The following COMMD10 variants were observed in gnomAD, a reference collection of about 807,000 sequenced individuals.
The protein encoded by COMMD10 is COMM domain containing 10.
COMMD10 carries 33 observed loss-of-function variants against 28.9 expected under a neutral mutation model. The observed-to-expected ratio is 1.14, with a 90% CI of 0.87 to 1.53. The LOEUF is 1.53. COMMD10 is among the 40% of genes most tolerant of loss of function. The pLI, the probability that COMMD10 is intolerant of heterozygous loss-of-function variation, is 0.00. For synonymous variants in COMMD10, 110 were observed against 81.7 expected (o/e 1.35, Z -1.87); for missense variants, 310 against 233.4 (o/e 1.33, Z -2.14).
chr5:116,227,329 C>T (rs1749418538), intron 5 of COMMD10, among the ~76,000 whole-genome samples: 2 of 151,988 alleles, frequency 1.3e-5, no homozygotes, highest in Non-Finnish European at 2.9e-5. Flanking sequence ...ACCAATAATT[C>T]TGATAACTTT....
intron 5 of COMMD10, among the ~76,000 whole-genome samples, chr5:116,269,053 A>G (rs1326771906): frequency 6.6e-6 from 1 of 151,750 alleles, no homozygotes; most frequent in African/African-American, 2.4e-5. Context: ...ATATGTAACA[A>G]ACCTGCATGT....
intron 5 of COMMD10, among the ~76,000 whole-genome samples, chr5:116,165,335 G>C (rs1418556430): frequency 6.6e-6 from 1 of 152,112 alleles, no homozygotes; most frequent in Admixed American, 6.5e-5. Context: ...TATTTAAGGA[G>C]TATTTTTGGT....
intron 4 of COMMD10, among the ~76,000 whole-genome samples, chr5:116,120,282 TA>T (rs1296065665): frequency 6.6e-6 from 1 of 152,068 alleles, no homozygotes; most frequent in Non-Finnish European, 1.5e-5. Flanking sequence ...CGTTCTCCCT[TA>T]TTGGGAGCTA....
intron 5 of COMMD10, among the ~76,000 whole-genome samples, chr5:116,249,507 T>A (rs573714655): frequency 2.2e-4 from 33 of 152,084 alleles, no homozygotes; most frequent in Middle Eastern, 3.4e-3. Context: ...ACTAAAGTAT[T>A]AATAAAGTAT....
At chr5:116,205,145 A>G (rs1276337525) in intron 5 of COMMD10, among the ~76,000 whole-genome samples, 1 of 152,190 alleles carries the variant, frequency 6.6e-6, no homozygotes, top group African/African-American at 2.4e-5. Context: ...CTCTTAAAGC[A>G]ATAATAAATA....
At chr5:116,118,390 T>A (rs1385223649) in intron 4 of COMMD10, among the ~76,000 whole-genome samples, 5 of 152,326 alleles carry the variant, frequency 3.3e-5, no homozygotes, top group African/African-American at 1.2e-4. Flanking sequence ...CTACTTTTGG[T>A]CTTTGGGAGA....
rs370652868 is a variant in COMMD10, at chr5:116,107,895, A to G, written c.399+15195A>G. ...GGCCGTACTTTTTGTTGATGTTGAT[A>G]CTATTCCTTTCTGTTTATTAGTTTT... On this transcript the variant is annotated intron_variant, in intron 4 of 6. Transcript: ENST00000274458. Among the ~76,000 whole-genome samples, 5 of 152,124 alleles carry G rather than the reference A, an allele frequency of 3.3e-5. No homozygotes were observed. In the East Asian group the frequency reaches 5.8e-4, roughly 18 times the overall value.
intron 5 of COMMD10, among the ~76,000 whole-genome samples, chr5:116,181,362 G>C (rs945540036): frequency 6.6e-6 from 1 of 150,496 alleles, no homozygotes; most frequent in East Asian, 1.9e-4. Flanking sequence ...CCAAGATTAT[G>C]CTTTATATCT....
chr5:116,184,854 A>G (rs1449034686), intron 5 of COMMD10, among the ~76,000 whole-genome samples: 1 of 152,108 alleles, frequency 6.6e-6, no homozygotes, highest in African/African-American at 2.4e-5. Context: ...GCAATGTAAT[A>G]TAATCGATTT....
At chr5:116,208,824 T>C (rs1192293516) in intron 5 of COMMD10, among the ~76,000 whole-genome samples, 1 of 152,222 alleles carries the variant, frequency 6.6e-6, no homozygotes, top group African/African-American at 2.4e-5. Flanking sequence ...TTCTGTTGAA[T>C]GCTTTGTAAG....
chr5:116,167,128 A>C (rs1346817901), intron 5 of COMMD10, among the ~76,000 whole-genome samples: 1 of 136,544 alleles, frequency 7.3e-6, no homozygotes, highest in East Asian at 1.9e-4. Flanking sequence ...ATTGCTAATT[A>C]AAATAACCAG....
At chr5:116,283,473 A>G (rs2112710623) in intron 5 of COMMD10, among the ~76,000 whole-genome samples, 1 of 151,320 alleles carries the variant, frequency 6.6e-6, no homozygotes, top group African/African-American at 2.4e-5. Context: ...CATCCTCCTG[A>G]GCAGCTGGAA....
chr5:116,210,694 C>G (rs973429278), intron 5 of COMMD10, among the ~76,000 whole-genome samples: 2 of 152,048 alleles, frequency 1.3e-5, no homozygotes, highest in African/African-American at 4.8e-5. Flanking sequence ...ATGCTAAATG[C>G]AACCACTTCT....
At position 116,292,762 on chromosome 5, in the gene COMMD10, C is replaced by T; in HGVS notation, c.*273C>T. 1 of 409,242 alleles carries T rather than the reference C, an allele frequency of 2.4e-6. No individual in the cohort carries two copies. Among genetic ancestry groups the T allele is most frequent in the Non-Finnish European group, 4.3e-6 (1 of 232,154 alleles). 25.4% of individuals were successfully genotyped at this position (409,242 alleles called of 1,614,324 possible). On this transcript the variant is annotated 3_prime_UTR_variant, in exon 7 of 7. Transcript: ENST00000274458. ...AAAAGTGAATACCATATTGTTTTTACTGTCATAGTGTTGCTTTCTTGCCTG... is the reference window on the plus strand; with the variant it reads ...AAAAGTGAATACCATATTGTTTTTATTGTCATAGTGTTGCTTTCTTGCCTG...
At position 116,140,137 on chromosome 5, in the gene COMMD10, G is replaced by A. The variant is rs558290337; in HGVS notation, c.510+5959G>A. Among the ~76,000 whole-genome samples, 41 of 150,572 alleles carry A rather than the reference G, an allele frequency of 2.7e-4. 1 individual carries two copies. The highest frequency in any genetic ancestry group is 8.5e-4 in the African/African-American group (35 of 41,004). On this transcript the variant is annotated intron_variant, in intron 5 of 6. Coordinates refer to ENST00000274458, the MANE Select transcript of COMMD10 (RefSeq NM_016144.4). ...GATCATGCAGTATTTTTCTTTCTAC[G>A]TCTGGCTTATTTCACTTACCATAAT...
Position 116,228,435 on chromosome 5 carries a change from TAAAG to T in COMMD10, c.511-63077_511-63074del, listed in dbSNP as rs555395330. On this transcript the variant is annotated intron_variant, in intron 5 of 6. Coordinates refer to ENST00000274458, the MANE Select transcript of COMMD10 (RefSeq NM_016144.4). ...TAATATTAAATTAATATAGACAAAT[TAAAG>T]AAAGTACCACATTTATCACTTTCAT... is the stretch of plus-strand genomic sequence containing the variant. Among the ~76,000 whole-genome samples the T allele has an allele frequency of 1.5e-3, 223 of 152,070 alleles. 2 individuals are homozygous for T. The highest frequency in any genetic ancestry group is 5.1e-3 in the African/African-American group (211 of 41,536).
At chr5:116,158,138 C>G (rs923908258) in intron 5 of COMMD10, among the ~76,000 whole-genome samples, 1 of 100,510 alleles carries the variant, frequency 9.9e-6, no homozygotes, top group African/African-American at 4.3e-5. Context: ...CCCTCCCTTC[C>G]CCTCCCTCCC....
chr5:116,259,381 T>C (rs1365573425), intron 5 of COMMD10, among the ~76,000 whole-genome samples: 1 of 150,042 alleles, frequency 6.7e-6, no homozygotes, highest in Non-Finnish European at 1.5e-5. Context: ...TCCATAATTG[T>C]TTTTTTTTGT....
intron 5 of COMMD10, among the ~76,000 whole-genome samples, chr5:116,267,937 C>T (rs527920445): frequency 6.6e-6 from 1 of 151,820 alleles, no homozygotes; most frequent in Non-Finnish European, 1.5e-5. Context: ...ACACCTTATA[C>T]AAAAATTAAT....
Sources: gnomAD v4.1 joint callset for allele counts (sites outside exome capture counted in the v4.1 genomes callset) on GRCh38, gnomAD v4.1.1 for gene constraint, MANE v1.5 for transcripts, NCBI Gene and HGNC (gene_info 2026-07-23, HGNC 2026-07-21) for gene names.